SOCS2: variants seen among roughly 807,000 people sequenced by gnomAD.
The protein encoded by SOCS2 is CIS-2.
In SOCS2, 10 loss-of-function variants were observed where a neutral mutation model predicts 18.6. The ratio of observed to expected loss-of-function variants is 0.54; its 90% CI spans 0.33 to 0.91. SOCS2 has a LOEUF of 0.91. Among genes scored for constraint, SOCS2 ranks in the 40% least tolerant of loss-of-function variants. The pLI is 0.02. For missense variants in SOCS2, 231 were observed against 247.2 expected, an observed-to-expected ratio of 0.93 and a Z score of 0.44; for synonymous variants, 104 against 104.0, an observed-to-expected ratio of 1.00 and a Z score of 0.00.
upstream of SOCS2, chr12:93,572,614 A>C: frequency 1.1e-5 from 7 of 624,976 alleles, no homozygotes; most frequent in Non-Finnish European, 8.9e-6. This position sits in a 1 kb window ranked among gnomAD's most constrained non-coding sequence, Gnocchi z 5.0. Context: ...TTCCACGTCT[A>C]TTTCCCCACC....
At chr12:93,616,149 A>C in the SOCS2 span, among the ~76,000 whole-genome samples, 2 of 152,234 alleles carry the variant, frequency 1.3e-5, no homozygotes, top group African/African-American at 4.8e-5. Flanking sequence ...GGCCTCTTCA[A>C]TCAGAGCACC....
downstream of SOCS2, among the ~76,000 whole-genome samples, chr12:93,587,561 G>A (rs1241845009): frequency 6.6e-6 from 1 of 151,724 alleles, no homozygotes; most frequent in Non-Finnish European, 1.5e-5. Flanking sequence ...CGCGCCTGTA[G>A]TCCCAGCTAC....
the SOCS2 span, among the ~76,000 whole-genome samples, chr12:93,588,710 AG>A: frequency 2.6e-5 from 4 of 151,288 alleles, no homozygotes. Flanking sequence ...TCCACCTCCC[AG>A]GTTCAAGCAA....
the SOCS2 span, among the ~76,000 whole-genome samples, chr12:93,589,304 A>T: frequency 2.0e-5 from 3 of 152,232 alleles, no homozygotes; most frequent in Admixed American, 2.0e-4. Flanking sequence ...CACCATGTAC[A>T]CCATATTCTA....
the SOCS2 span, among the ~76,000 whole-genome samples, chr12:93,620,663 C>T: frequency 6.6e-6 from 1 of 152,242 alleles, no homozygotes; most frequent in African/African-American, 2.4e-5. Context: ...ATCCACCCGC[C>T]TCAGTCTCCC....
the SOCS2 span, among the ~76,000 whole-genome samples, chr12:93,604,250 A>G: frequency 1.3e-5 from 2 of 152,200 alleles, no homozygotes; most frequent in Non-Finnish European, 2.9e-5. Flanking sequence ...TAATCCTCTG[A>G]TGTGGAAAGA....
chr12:93,591,722 G>C, the SOCS2 span, among the ~76,000 whole-genome samples: 83 of 152,178 alleles, frequency 5.5e-4, no homozygotes, highest in Non-Finnish European at 8.8e-4. Context: ...ACCCAGCGTC[G>C]GCAGCAAGGA....
chr12:93,601,141 T>G, the SOCS2 span, among the ~76,000 whole-genome samples: 2 of 151,210 alleles, frequency 1.3e-5, no homozygotes, highest in Middle Eastern at 3.2e-3. Flanking sequence ...CTTCTGTTAG[T>G]TTTGTGCTGG....
the SOCS2 span, among the ~76,000 whole-genome samples, chr12:93,619,443 A>G: frequency 6.6e-6 from 1 of 152,202 alleles, no homozygotes; most frequent in African/African-American, 2.4e-5. Context: ...GTGCTCCCAC[A>G]TGCTGATTAA....
At chr12:93,595,340 C>T in the SOCS2 span, among the ~76,000 whole-genome samples, 1 of 152,086 alleles carries the variant, frequency 6.6e-6, no homozygotes, top group Non-Finnish European at 1.5e-5. Context: ...ACCTGACTTA[C>T]GTGTTTCTGA....
the SOCS2 span, among the ~76,000 whole-genome samples, chr12:93,614,248 TG>T: frequency 1.3e-5 from 2 of 152,234 alleles, no homozygotes; most frequent in African/African-American, 4.8e-5. Context: ...AACATATCCT[TG>T]TTTTTCCTCC....
chr12:93,607,699 A>G, the SOCS2 span, among the ~76,000 whole-genome samples: 1 of 152,202 alleles, frequency 6.6e-6, no homozygotes. Flanking sequence ...GCAATAGTTG[A>G]AACTTCATGA....
At chr12:93,580,163 C>A (rs1418136528), downstream of SOCS2, among the ~76,000 whole-genome samples, 3 of 152,170 alleles carry the variant, frequency 2.0e-5, no homozygotes, top group Non-Finnish European at 4.4e-5. Context: ...CATCACACAA[C>A]TTCATAAAAT....
At chr12:93,593,890 C>A in the SOCS2 span, among the ~76,000 whole-genome samples, 1 of 152,120 alleles carries the variant, frequency 6.6e-6, no homozygotes, top group African/African-American at 2.4e-5. Flanking sequence ...CTACTGTTAC[C>A]ATACAGAGGC....
the SOCS2 span, among the ~76,000 whole-genome samples, chr12:93,623,814 C>A: frequency 1.3e-5 from 2 of 152,196 alleles, no homozygotes; most frequent in African/African-American, 4.8e-5. Context: ...AAGCGATTCT[C>A]CTGCCTCAGC....
the SOCS2 span, among the ~76,000 whole-genome samples, chr12:93,608,949 A>G: frequency 6.6e-6 from 1 of 152,200 alleles, no homozygotes; most frequent in African/African-American, 2.4e-5. Context: ...TTCCAGGGGT[A>G]AGTATTTACC....
the SOCS2 span, among the ~76,000 whole-genome samples, chr12:93,624,990 C>G: frequency 2.0e-5 from 3 of 152,136 alleles, no homozygotes; most frequent in African/African-American, 7.2e-5. Context: ...AGGTTGAAGC[C>G]CTGCCTTTTA....
At chr12:93,571,957 G>A (rs1038450014), upstream of SOCS2, 3 of 330,652 alleles carry the variant, frequency 9.1e-6, no homozygotes, top group Non-Finnish European at 1.8e-5. Flanking sequence ...CGCAGCGCTC[G>A]CGACCGCCCG....
Position 93,575,008 on chromosome 12 carries a change from C to T in SOCS2, c.426C>T (p.Ala142=), listed in dbSNP as rs1466952116. The part of the protein sequence containing the change: ...MCKDKRTGPE[A]PRNGTVHLYL... Reference sequence around the variant, plus strand: ...AGGATAAGCGGACAGGTCCAGAAGCCCCCCGGAACGGCACTGTTCACCTTT... The same window carrying T: ...AGGATAAGCGGACAGGTCCAGAAGCTCCCCGGAACGGCACTGTTCACCTTT... Residue 142 remains alanine (A), a synonymous_variant, in exon 2 of 2, where the codon GCC becomes GCT. Coordinates refer to ENST00000551556, the MANE Select transcript of SOCS2 (RefSeq NM_001270471.2). 3 of 1,613,914 alleles carry T rather than the reference C, an allele frequency of 1.9e-6. No individual in the cohort carries two copies. Among genetic ancestry groups the T allele is most frequent in the Non-Finnish European group, 1.7e-6 (2 of 1,179,982 alleles).
Sources: allele counts gnomAD v4.1 joint callset (sites outside exome capture counted in the v4.1 genomes callset), GRCh38; gene constraint gnomAD v4.1.1; non-coding constraint Gnocchi (gnomAD v3.1); transcripts MANE v1.5; gene names NCBI Gene and HGNC (gene_info 2026-07-23, HGNC 2026-07-21).